The following FOCAD variants were observed in gnomAD, a reference collection of about 807,000 sequenced individuals.
The protein encoded by FOCAD is KIAA1797.
In FOCAD, 198 loss-of-function variants were observed where a neutral mutation model predicts 225.6. That is an observed-to-expected ratio of 0.88 (90% CI 0.78 to 0.99). The LOEUF (loss-of-function observed/expected upper bound fraction) is 0.99, where lower values mean the gene tolerates loss of function less well. Among genes scored for constraint, FOCAD ranks in the 50% least tolerant of loss-of-function variants. The probability of loss-of-function intolerance (pLI) is 0.00; values close to 1 mark genes in which losing one functional copy is unlikely to be tolerated. For missense variants in FOCAD, 2,713 were observed against 2,123.6 expected (o/e 1.28, Z -5.46); for synonymous variants, 897 against 755.0 (o/e 1.19, Z -3.08).
At chr9:20,699,107 C>T (rs1229685174) in intron 1 of FOCAD, among the ~76,000 whole-genome samples, 1 of 152,110 alleles carries the variant, frequency 6.6e-6, no homozygotes, top group African/African-American at 2.4e-5. Flanking sequence ...CTTGGGGAGA[C>T]TTTTGTGGTT....
Position 20,720,435 on chromosome 9 carries a change from G to T in FOCAD, c.188G>T (p.Arg63Leu). 2 of 1,614,042 alleles carry T rather than the reference G, an allele frequency of 1.2e-6. No individual in the cohort carries two copies. The highest frequency in any genetic ancestry group is 8.5e-7 in the Non-Finnish European group (1 of 1,179,976). The change falls in exon 4 of 44, where the codon CGA becomes CTA. Residue 63 changes from arginine to leucine, a missense_variant. Transcript: ENST00000338382. ...TGTTGCAGTGACAATGTAGTGGTTC[G>T]AACAGCCTGCTGTGAAGGTCTGGTG... ...EKCCSDNVVV[R>L]TACCEGLVAL... is the part of the protein sequence containing the mutation.
At chr9:20,930,411 G>A (rs1835356783) in intron 27 of FOCAD, among the ~76,000 whole-genome samples, 1 of 152,096 alleles carries the variant, frequency 6.6e-6, no homozygotes, top group Non-Finnish European at 1.5e-5. Flanking sequence ...CAATGACTAG[G>A]CATTTAGCCC....
intron 15 of FOCAD, among the ~76,000 whole-genome samples, chr9:20,828,683 ACATAGGTAAACGTGTGC>A (rs1252988986): frequency 1.3e-5 from 2 of 152,244 alleles, no homozygotes; most frequent in African/African-American, 4.8e-5. Flanking sequence ...CAGGTGTGTT[ACATAGGTAAACGTGTGC>A]CATGGTGGTT....
chr9:20,705,218 T>C (rs1256850198), intron 1 of FOCAD, among the ~76,000 whole-genome samples: 1 of 152,206 alleles, frequency 6.6e-6, no homozygotes, highest in Admixed American at 6.5e-5. Context: ...ATTTCAAACA[T>C]AAAAATAGAG....
chr9:20,978,566 C>A, intron 37 of FOCAD, 112 bp downstream of exon 37: 1 of 660,470 alleles, frequency 1.5e-6, no homozygotes, highest in Non-Finnish European at 2.4e-6. Flanking sequence ...ATGAGATCTT[C>A]ACAAAAATCG....
intron 28 of FOCAD, among the ~76,000 whole-genome samples, chr9:20,936,439 G>A (rs1835975878): frequency 6.6e-6 from 1 of 152,156 alleles, no homozygotes. Flanking sequence ...GGTAGTTATG[G>A]GATCTTCTTT....
intron 11 of FOCAD, among the ~76,000 whole-genome samples, chr9:20,811,114 A>G (rs10511684): frequency 0.37 from 55,857 of 151,786 alleles, 10,549 homozygotes; most frequent in East Asian, 0.48. Context: ...TATAAGATCC[A>G]TTTGCTTATA....
intron 11 of FOCAD, among the ~76,000 whole-genome samples, chr9:20,815,128 TTTTTTTTTG>T (rs1374976741): frequency 0.02 from 1,793 of 88,332 alleles, 160 homozygotes; most frequent in African/African-American, 0.074. Flanking sequence ...TCTTTGTTTT[TTTTTTTTTG>T]TTTTTTTTTT....
intron 6 of FOCAD, among the ~76,000 whole-genome samples, chr9:20,760,042 C>T (rs1054850730): frequency 4.6e-5 from 7 of 152,202 alleles, no homozygotes; most frequent in South Asian, 2.1e-4. Context: ...GGTTCAGGGC[C>T]TCAATATCTC....
intron 14 of FOCAD, among the ~76,000 whole-genome samples, chr9:20,822,752 A>T (rs759394599): frequency 1.3e-5 from 2 of 151,956 alleles, no homozygotes; most frequent in African/African-American, 2.4e-5. Flanking sequence ...AGTGAATGAA[A>T]TTTGTTAAAA....
At position 20,717,594 on chromosome 9, in the gene FOCAD, G is replaced by A. The variant is rs374335238; in HGVS notation, c.58-200G>A. ...CTTATTGGTAACCTGGGATAGATAT[G>A]CCTACCTTGAGGGCTATTCTGAAGA... On this transcript the variant is annotated intron_variant, in intron 2 of 43. Coordinates refer to ENST00000338382, the MANE Select transcript of FOCAD (RefSeq NM_001375567.1). Among the ~76,000 whole-genome samples, 4 of 152,282 alleles carry A rather than the reference G, an allele frequency of 2.6e-5. No homozygotes were observed. The East Asian group carries it at 7.7e-4, about 29-fold the overall frequency.
In FOCAD at chr9:20,789,581, A is replaced by C. The variant is rs143817358; in HGVS notation, c.1428A>C (p.Thr476=). ...TTCACCAAATACTCAAGGTCACTAC[A>C]GAATTAGCCCAAGCAGATTCCTCCC... ...QNLHQILKVT[T]ELAQADSSQV... Residue 476 remains threonine (T), a synonymous_variant, in exon 11 of 44, where the codon ACA becomes ACC. Transcript: ENST00000338382. 6.2e-7 allele frequency: 1 copy of C among 1,613,930 alleles called. No individual in the cohort carries two copies. Among genetic ancestry groups the C allele is most frequent in the Non-Finnish European group, 8.5e-7 (1 of 1,179,970 alleles).
intron 21 of FOCAD, among the ~76,000 whole-genome samples, chr9:20,891,539 T>A (rs1024845575): frequency 6.6e-6 from 1 of 152,166 alleles, no homozygotes; most frequent in Non-Finnish European, 1.5e-5. Flanking sequence ...CTTTTAGTGG[T>A]TTGGATAAAG....
chr9:20,977,299 C>T (rs1840307549), intron 36 of FOCAD, among the ~76,000 whole-genome samples: 1 of 152,178 alleles, frequency 6.6e-6, no homozygotes, highest in African/African-American at 2.4e-5. Flanking sequence ...ATCACATCTG[C>T]AAAGCTTCTT....
intron 16 of FOCAD, among the ~76,000 whole-genome samples, chr9:20,863,992 A>C (rs1829011784): frequency 6.6e-6 from 1 of 151,616 alleles, no homozygotes; most frequent in Admixed American, 6.6e-5. Context: ...GGTATCTTAT[A>C]CTAGGGTTCC....
intron 2 of FOCAD, among the ~76,000 whole-genome samples, chr9:20,664,033 C>A (rs541963776): frequency 6.6e-6 from 1 of 152,074 alleles, no homozygotes; most frequent in South Asian, 2.1e-4. Flanking sequence ...AATTTCAAAG[C>A]ACTTTTCCAA....
intron 42 of FOCAD, among the ~76,000 whole-genome samples, chr9:20,991,921 A>G (rs1841710144): frequency 6.6e-6 from 1 of 151,662 alleles, no homozygotes; most frequent in Non-Finnish European, 1.5e-5. Context: ...TGCATTGATT[A>G]TATATTTGTA....
At position 20,978,471 on chromosome 9, in the gene FOCAD, G is replaced by C. The variant is rs747759242; in HGVS notation, c.4377+17G>C. The C allele has an allele frequency of 4.6e-6, 7 of 1,519,776 alleles. No individual in the cohort carries two copies. The highest frequency in any genetic ancestry group is 3.6e-5 in the South Asian group (3 of 83,290). 94.1% of individuals were successfully genotyped at this position (1,519,776 alleles called of 1,614,324 possible). On this transcript the variant is annotated intron_variant, in intron 37 of 43. Coordinates refer to ENST00000338382, the MANE Select transcript of FOCAD (RefSeq NM_001375567.1). ...AGTCTGAGTGTATGTAGTAACTAAG[G>C]GTGTTGGCCAACAGGAGGATATTGT...
intron 15 of FOCAD, among the ~76,000 whole-genome samples, chr9:20,842,171 G>A (rs1174828911): frequency 1.3e-5 from 2 of 150,672 alleles, no homozygotes; most frequent in East Asian, 1.9e-4. Flanking sequence ...CCTAACCTTT[G>A]GTCTATCCAT....
Sources: allele counts gnomAD v4.1 joint callset (sites outside exome capture counted in the v4.1 genomes callset), GRCh38; gene constraint gnomAD v4.1.1; transcripts MANE v1.5; gene names NCBI Gene and HGNC (gene_info 2026-07-23, HGNC 2026-07-21).